Variants in PDE10A observed in about 807,000 individuals in gnomAD.
PDE10A encodes phosphodiesterase 10A.
In PDE10A, 39 loss-of-function variants were observed where a neutral mutation model predicts 97.7. The ratio of observed to expected loss-of-function variants is 0.40; its 90% confidence interval spans 0.31 to 0.52. The LOEUF is 0.52. Ranked by LOEUF, PDE10A falls within the 20% of genes least tolerant of loss-of-function variation. PDE10A has a pLI of 0.56. For synonymous variants in PDE10A, 371 were observed against 376.8 expected, an observed-to-expected ratio of 0.98 and a Z score of 0.18; for missense variants, 731 against 1,047.8, an observed-to-expected ratio of 0.70 and a Z score of 4.17.
chr6:165,855,364 G>A (rs1780702451), intron 1 of PDE10A, among the ~76,000 whole-genome samples: 1 of 150,388 alleles, frequency 6.6e-6, no homozygotes, highest in African/African-American at 2.5e-5. Flanking sequence ...AGCCTTGGGT[G>A]CCAGGGTGAA....
chr6:165,397,639 T>A (rs1461733460), intron 13 of PDE10A, among the ~76,000 whole-genome samples: 14 of 143,760 alleles, frequency 9.7e-5, no homozygotes, highest in Admixed American at 9.4e-4. Flanking sequence ...GAGGTAGTGA[T>A]TGCAGTGAGC....
intron 5 of PDE10A, among the ~76,000 whole-genome samples, chr6:165,443,126 A>C (rs1467654643): frequency 1.3e-5 from 2 of 151,350 alleles, no homozygotes; most frequent in Non-Finnish European, 2.9e-5. Flanking sequence ...AAAAAAAAAA[A>C]AAAAAAAATG....
chr6:165,452,471 T>C (rs1316638396), intron 3 of PDE10A, among the ~76,000 whole-genome samples: 20 of 152,172 alleles, frequency 1.3e-4, no homozygotes, highest in Admixed American at 1.2e-3. Flanking sequence ...AATGATGTTA[T>C]TGGGGGAGTG....
At chr6:165,960,379 G>C (rs1482375248) in intron 1 of PDE10A, among the ~76,000 whole-genome samples, 1 of 152,190 alleles carries the variant, frequency 6.6e-6, no homozygotes, top group South Asian at 2.1e-4. Flanking sequence ...GTGGAGGCCT[G>C]ATCCGACCCT....
At chr6:165,791,213 C>G (rs80342229) in intron 1 of PDE10A, among the ~76,000 whole-genome samples, 1 of 151,788 alleles carries the variant, frequency 6.6e-6, no homozygotes, top group African/African-American at 2.4e-5. Flanking sequence ...CCTCCCGAAG[C>G]GTTGGAAGGG....
At chr6:165,392,242 A>G (rs1343512477) in intron 16 of PDE10A, among the ~76,000 whole-genome samples, 1 of 152,220 alleles carries the variant, frequency 6.6e-6, no homozygotes, top group Non-Finnish European at 1.5e-5. Flanking sequence ...TCCTTATGCT[A>G]GAGGAGGTCA....
At chr6:165,398,128 CTTTAA>C (rs921643589) in intron 13 of PDE10A, among the ~76,000 whole-genome samples, 5 of 152,176 alleles carry the variant, frequency 3.3e-5, no homozygotes, top group East Asian at 1.9e-4. Context: ...GGATGGTTCA[CTTTAA>C]TTTATTTCAG....
intron 1 of PDE10A, among the ~76,000 whole-genome samples, chr6:165,917,002 T>C (rs1051022477): frequency 6.6e-6 from 1 of 152,130 alleles, no homozygotes; most frequent in African/African-American, 2.4e-5. Context: ...TCCATGTTTC[T>C]CCTAAGACCT....
chr6:165,820,059 C>G (rs1779526551), intron 1 of PDE10A, among the ~76,000 whole-genome samples: 1 of 152,104 alleles, frequency 6.6e-6, no homozygotes, highest in Non-Finnish European at 1.5e-5. Flanking sequence ...AAATGTAAGT[C>G]TGTTACTACA....
rs554962159 is a variant in PDE10A, at chr6:165,661,207, G to T, written c.865+740C>A. ...GTGGGCCCGGGGGCGCATCCTGCGA[G>T]TCGGAGGCGGCGGCGCCTTTCTCTT... On this transcript the variant is annotated intron_variant, in intron 1 of 21. Coordinates refer to ENST00000539869, the MANE Select transcript of PDE10A (RefSeq NM_001385079.1). This position sits in a 1 kb window ranked among gnomAD's most constrained non-coding sequence, Gnocchi z 4.8. 295 of 152,898 alleles carry T rather than the reference G, an allele frequency of 1.9e-3. No individual in the cohort carries two copies. The highest frequency in any genetic ancestry group is 3.0e-3 in the Non-Finnish European group (207 of 68,522). 9.5% of individuals were successfully genotyped at this position (152,898 alleles called of 1,614,324 possible). A position where few individuals can be genotyped will look rare whatever the true frequency, so the allele number is the denominator to read the frequency against.
intron 14 of PDE10A, 106 bp from the exon 15 acceptor site, chr6:165,395,370 G>A: frequency 1.4e-6 from 1 of 696,770 alleles, no homozygotes; most frequent in African/African-American, 1.8e-5. Context: ...AAAGACACTG[G>A]GAGCTCAGCC....
At chr6:165,763,227 C>G (rs1401192821) in intron 1 of PDE10A, among the ~76,000 whole-genome samples, 1 of 152,160 alleles carries the variant, frequency 6.6e-6, no homozygotes, top group Non-Finnish European at 1.5e-5. Flanking sequence ...CTGTGGTGCC[C>G]CTGCTCGCCT....
chr6:165,761,499 T>A (rs552878195), intron 1 of PDE10A, among the ~76,000 whole-genome samples: 27 of 152,320 alleles, frequency 1.8e-4, no homozygotes, highest in Admixed American at 1.6e-3. Context: ...CAGGGACATT[T>A]TTCAATTTTC....
At chr6:165,794,754 A>G (rs1778785613) in intron 1 of PDE10A, among the ~76,000 whole-genome samples, 1 of 152,218 alleles carries the variant, frequency 6.6e-6, no homozygotes, top group Non-Finnish European at 1.5e-5. Flanking sequence ...CTGAGAATTG[A>G]TGTCTCCCTG....
At chr6:165,351,330 T>C (rs1346269042) in intron 18 of PDE10A, among the ~76,000 whole-genome samples, 1 of 152,096 alleles carries the variant, frequency 6.6e-6, no homozygotes, top group African/African-American at 2.4e-5. Flanking sequence ...GGGCCACTGG[T>C]AAGGACAAAA....
rs74782310 is a variant in PDE10A at position 165,842,937 on chromosome 6, A to G, written c.-615+144592T>C. Among the ~76,000 whole-genome samples the G allele has an allele frequency of 1.1e-4, 16 of 152,356 alleles. No individual in the cohort carries two copies. In the East Asian group the frequency reaches 2.1e-3, roughly 20 times the overall value. The stretch of plus-strand genomic sequence containing the variant: ...CTTCCTCAATAAAACTGGAATCACA[A>G]CATCTGCCTTGTCTACCTGAAAGTG... On this transcript the variant is annotated intron_variant, in intron 1 of 19. Coordinates refer to the PDE10A transcript ENST00000366882.
Position 165,481,188 on chromosome 6 carries a change from A to G in PDE10A, c.1023+1127T>C, listed in dbSNP as rs151070404. Among the ~76,000 whole-genome samples the G allele has an allele frequency of 2.5e-3, 388 of 152,326 alleles. 2 individuals carry two copies. The highest frequency in any genetic ancestry group is 9.1e-3 in the African/African-American group (380 of 41,572). On this transcript the variant is annotated intron_variant, in intron 3 of 21. Transcript: ENST00000539869. ...ATCTTATCCTCAAGCATCACTTTTC[A>G]GCATTTTCTGCTGCTCCTAGCAGCT...
intron 1 of PDE10A, among the ~76,000 whole-genome samples, chr6:165,818,741 G>A (rs1288293343): frequency 3.3e-5 from 5 of 152,222 alleles, no homozygotes; most frequent in Admixed American, 2.0e-4. Flanking sequence ...AAGGGCTTCC[G>A]AAGGTGATTG....
At chr6:165,482,433 G>A (rs1002289108) in intron 2 of PDE10A, 90 bp from the exon 3 acceptor site, 4 of 1,020,278 alleles carry the variant, frequency 3.9e-6, no homozygotes, top group Non-Finnish European at 4.7e-6. Context: ...CAATAAACTT[G>A]AAGGGTTTTT....
Sources: allele counts gnomAD v4.1 joint callset (sites outside exome capture counted in the v4.1 genomes callset), GRCh38; gene constraint gnomAD v4.1.1; non-coding constraint Gnocchi (gnomAD v3.1); transcripts MANE v1.5; gene names NCBI Gene and HGNC (gene_info 2026-07-23, HGNC 2026-07-21).